Variants in DDX19B observed in about 807,000 individuals in gnomAD.
DDX19B encodes DEAD-box helicase 19B.
DDX19B carries 27 observed loss-of-function variants against 58.1 expected under a neutral mutation model. The observed-to-expected ratio is 0.46, with a 90% CI of 0.34 to 0.64. The LOEUF (loss-of-function observed/expected upper bound fraction) is 0.64. Ranked by LOEUF, DDX19B falls within the 30% of genes least tolerant of loss-of-function variation. DDX19B has a pLI of 0.01. For synonymous variants in DDX19B, 187 were observed against 214.4 expected (o/e 0.87, Z 1.12); for missense variants, 399 against 596.5 (o/e 0.67, Z 3.45).
At chr16:70,293,567 T>G (rs1961112183), upstream of DDX19B, among the ~76,000 whole-genome samples, 1 of 151,070 alleles carries the variant, frequency 6.6e-6, no homozygotes, top group Non-Finnish European at 1.5e-5. Flanking sequence ...TGCTGGCTTA[T>G]TTGGTACTAA....
rs548839584 is a variant in DDX19B, at chr16:70,313,459, T to A, written c.106+802T>A. Among the ~76,000 whole-genome samples, 10 of 152,196 alleles carry A rather than the reference T, an allele frequency of 6.6e-5. No individual in the cohort carries two copies. The South Asian group carries it at 2.1e-3, about 32-fold the overall frequency. On this transcript the variant is annotated intron_variant, in intron 2 of 11. Transcript: ENST00000288071. ...AGATATTACACCTGGTTTCAAAGTGTTTTTAATACAAGAATGAGGATTGCA... is the reference window on the plus strand; with the variant it reads ...AGATATTACACCTGGTTTCAAAGTGATTTTAATACAAGAATGAGGATTGCA...
Position 70,300,027 on chromosome 16 carries a change from C to G in DDX19B, c.57+673C>G, listed in dbSNP as rs77586016. On this transcript the variant is annotated intron_variant, in intron 1 of 11. Transcript: ENST00000288071. ...TTTCTCCCACCGAAACACTTTAAAT[C>G]CTAGTAGGCTTTGAACCTACTTCTG... Among the ~76,000 whole-genome samples, 1,434 of 152,284 alleles carry G rather than the reference C, an allele frequency of 9.4e-3. 22 individuals carry two copies. Among genetic ancestry groups the G allele is most frequent in the Admixed American group, 0.015 (237 of 15,294 alleles).
chr16:70,312,483 G>A (rs1369629436), intron 1 of DDX19B, 126 bp from the exon 2 acceptor site: 1 of 809,012 alleles, frequency 1.2e-6, no homozygotes, highest in Admixed American at 2.5e-5. Flanking sequence ...CAATGAATTG[G>A]TCCTAATGAA....
Position 70,333,720 on chromosome 16 carries a change from T to C in DDX19B, c.*138T>C. On this transcript the variant is annotated 3_prime_UTR_variant, in exon 12 of 12. Coordinates refer to ENST00000288071, the MANE Select transcript of DDX19B (RefSeq NM_007242.7). ...AAACTACCTACCTCACTTCAAATTA[T>C]GTTTGGACTTGACAAAAATGTATGC... The C allele has an allele frequency of 2.2e-6, 3 of 1,335,044 alleles. No homozygotes were observed. The highest frequency in any genetic ancestry group is 3.1e-6 in the Non-Finnish European group (3 of 953,596). 82.7% of individuals were successfully genotyped at this position (1,335,044 alleles called of 1,614,324 possible).
At chr16:70,309,519 A>G (rs981457874) in intron 1 of DDX19B, among the ~76,000 whole-genome samples, 1 of 143,880 alleles carries the variant, frequency 7.0e-6, no homozygotes, top group Admixed American at 7.1e-5. Context: ...ACAAACAAAC[A>G]AAAAGAAATG....
intron 3 of DDX19B, among the ~76,000 whole-genome samples, 171 bp downstream of exon 3, chr16:70,315,126 C>T (rs1597478873): frequency 6.6e-6 from 1 of 151,484 alleles, no homozygotes; most frequent in African/African-American, 2.4e-5. Context: ...CCTGTAATCC[C>T]AGCACTTTGG....
At chr16:70,318,535 T>G (rs1232554558) in intron 5 of DDX19B, among the ~76,000 whole-genome samples, 1 of 152,096 alleles carries the variant, frequency 6.6e-6, no homozygotes, top group Non-Finnish European at 1.5e-5. Context: ...CTCATGCCTA[T>G]AATCCCAGCA....
chr16:70,300,844 A>T (rs566537495), intron 1 of DDX19B, among the ~76,000 whole-genome samples: 4 of 152,124 alleles, frequency 2.6e-5, no homozygotes, highest in Admixed American at 2.6e-4. Context: ...ACTTTTCTAT[A>T]AAATTTATTT....
At chr16:70,323,577 C>T (rs551525250) in intron 5 of DDX19B, among the ~76,000 whole-genome samples, 1 of 152,012 alleles carries the variant, frequency 6.6e-6, no homozygotes, top group South Asian at 2.1e-4. Flanking sequence ...GCGCCCACCA[C>T]CATGCCTGGC....
intron 7 of DDX19B, among the ~76,000 whole-genome samples, chr16:70,326,873 C>A (rs567383239): frequency 6.6e-6 from 1 of 151,096 alleles, no homozygotes; most frequent in Non-Finnish European, 1.5e-5. Flanking sequence ...CTCGCCCTGT[C>A]GCCCAGGCTG....
At chr16:70,320,720 AT>A (rs969086061) in intron 5 of DDX19B, among the ~76,000 whole-genome samples, 4 of 146,382 alleles carry the variant, frequency 2.7e-5, no homozygotes, top group Non-Finnish European at 6.1e-5. Context: ...TGCCCAGCTA[AT>A]TTTTTTTTTG....
chr16:70,310,342 C>T (rs901753479), intron 1 of DDX19B, among the ~76,000 whole-genome samples: 2 of 150,900 alleles, frequency 1.3e-5, no homozygotes, highest in African/African-American at 4.9e-5. Context: ...GATAACACCA[C>T]TGCACTCCAT....
chr16:70,327,012 T>G (rs1048246864), intron 7 of DDX19B, among the ~76,000 whole-genome samples: 36 of 151,732 alleles, frequency 2.4e-4, no homozygotes, highest in African/African-American at 8.5e-4. Flanking sequence ...TTTTTTGTAT[T>G]TTTAGTAGAG....
chr16:70,290,048 G>GA (rs961095075), upstream of DDX19B: 1,569 of 256,466 alleles, frequency 6.1e-3, no homozygotes, highest in South Asian at 0.011. Context: ...TTTGCCTTTG[G>GA]AAAAAAAAAA....
chr16:70,329,179 T>C (rs1963340064), intron 7 of DDX19B, 113 bp from the exon 8 acceptor site: 1 of 1,388,260 alleles, frequency 7.2e-7, no homozygotes, highest in South Asian at 1.4e-5. Flanking sequence ...GTCGAGATCA[T>C]GCCATTGCAC....
chr16:70,322,250 G>A (rs185607995), intron 5 of DDX19B, among the ~76,000 whole-genome samples: 15 of 152,198 alleles, frequency 9.9e-5, no homozygotes, highest in African/African-American at 3.4e-4. Context: ...GGCAACAGAT[G>A]TTTTGACAGG....
chr16:70,317,116 G>A (rs991398865), intron 4 of DDX19B: 10 of 154,892 alleles, frequency 6.5e-5, no homozygotes, highest in Non-Finnish European at 1.1e-4. Context: ...GTTGAGGTAG[G>A]AGAATGGCGT....
intron 1 of DDX19B, among the ~76,000 whole-genome samples, chr16:70,300,230 G>GGGTC (rs1216866525): frequency 6.6e-6 from 1 of 150,750 alleles, no homozygotes; most frequent in African/African-American, 2.4e-5. Flanking sequence ...TTTGGAGACA[G>GGGTC]GGTCACACTC....
Position 70,324,632 on chromosome 16 carries a change from C to G in DDX19B, c.437C>G (p.Ala146Gly). The G allele has an allele frequency of 6.2e-7, 1 of 1,613,930 alleles. No individual in the cohort carries two copies. Among genetic ancestry groups the G allele is most frequent in the Non-Finnish European group, 8.5e-7 (1 of 1,179,984 alleles). The change falls in exon 6 of 12, where the codon GCT becomes GGT. Residue 146 changes from alanine (A) to glycine (G), a missense_variant. Ala to Gly is a moderately conservative substitution (Grantham distance 60). This residue lies in a region of DDX19B where 2 missense variants were observed against 16.9 expected (regional missense o/e 0.12). Coordinates refer to ENST00000288071, the MANE Select transcript of DDX19B (RefSeq NM_007242.7). ...TCTCAGTCTGGTACTGGTAAAACAGCTGCCTTCGTGCTGGCCATGCTTAGC... is the reference window on the plus strand; with the variant it reads ...TCTCAGTCTGGTACTGGTAAAACAGGTGCCTTCGTGCTGGCCATGCTTAGC... ...AQSQSGTGKTAAFVLAMLSQV... is the reference protein window; with the variant it reads ...AQSQSGTGKTGAFVLAMLSQV...
Sources: gnomAD v4.1 joint callset for allele counts (sites outside exome capture counted in the v4.1 genomes callset) on GRCh38, gnomAD v4.1.1 for gene constraint, gnomAD v4.1.1 regional missense constraint, MANE v1.5 for transcripts, NCBI Gene and HGNC (gene_info 2026-07-23, HGNC 2026-07-21) for gene names.